The following CAPN3 variants were observed in gnomAD, a reference collection of about 807,000 sequenced individuals.
CAPN3 encodes the protein calpain-3.
A neutral mutation model predicts 114.0 loss-of-function variants in CAPN3; 88 were observed. The observed-to-expected ratio is 0.77, with a 90% confidence interval of 0.65 to 0.92. The LOEUF is 0.92. Ranked by LOEUF, CAPN3 falls within the 40% of genes least tolerant of loss-of-function variation. CAPN3 has a pLI of 0.00. For missense variants in CAPN3, 1,028 were observed against 1,069.0 expected (o/e 0.96, Z 0.53); for synonymous variants, 386 against 382.9 (o/e 1.01, Z -0.09).
chr15:42,384,620 C>T, intron 2 of CAPN3, 68 bp downstream of exon 2: 1 of 1,170,064 alleles, frequency 8.5e-7, no homozygotes, highest in South Asian at 1.2e-5. Flanking sequence ...TGATCCCCTT[C>T]CAGGAGGTAA....
chr15:42,363,985 G>A (rs2052716641), intron 1 of CAPN3, among the ~76,000 whole-genome samples: 1 of 152,126 alleles, frequency 6.6e-6, no homozygotes, highest in South Asian at 2.1e-4. Flanking sequence ...GTGGGATTTT[G>A]GACTCCCACC....
intron 1 of CAPN3, among the ~76,000 whole-genome samples, chr15:42,368,612 T>C (rs1008070002): frequency 2.0e-5 from 3 of 152,234 alleles, no homozygotes; most frequent in Non-Finnish European, 4.4e-5. Context: ...ACTCTAACTC[T>C]GTAGTTCCCC....
At chr15:42,400,328 G>T (rs2053828535) in intron 10 of CAPN3, among the ~76,000 whole-genome samples, 1 of 152,196 alleles carries the variant, frequency 6.6e-6, no homozygotes, top group East Asian at 1.9e-4. Flanking sequence ...AGTAGCAGCA[G>T]AGATGGAGGG....
chr15:42,373,955 C>T (rs2053021515), intron 1 of CAPN3, among the ~76,000 whole-genome samples: 1 of 152,184 alleles, frequency 6.6e-6, no homozygotes, highest in Non-Finnish European at 1.5e-5. Context: ...GTAAGCCTCT[C>T]TGTAACTATA....
intron 16 of CAPN3, 53 bp downstream of exon 16, chr15:42,408,377 T>A: frequency 8.8e-7 from 1 of 1,138,142 alleles, no homozygotes; most frequent in Middle Eastern, 1.9e-4. Context: ...AGGGGCTTCC[T>A]ATGCGCTTGG....
intron 1 of CAPN3, among the ~76,000 whole-genome samples, chr15:42,360,423 A>C (rs564586939): frequency 1.2e-4 from 18 of 152,102 alleles, no homozygotes; most frequent in African/African-American, 4.3e-4. Flanking sequence ...AGTTTAATTC[A>C]TCCTGTAAAA....
rs748194118 is a variant in CAPN3 at position 42,405,945 on chromosome 15, T to C, written c.1800+2T>C. The C allele has an allele frequency of 1.2e-5, 19 of 1,611,698 alleles. No individual in the cohort carries two copies. The highest frequency in any genetic ancestry group is 9.3e-6 in the Non-Finnish European group (11 of 1,177,814). ...ATGCAGAAAAAGAAAAAAACCAAGGTAGGTGTGTGGGTAGAGAGCATGAAG... is the reference window on the plus strand; with the variant it reads ...ATGCAGAAAAAGAAAAAAACCAAGGCAGGTGTGTGGGTAGAGAGCATGAAG... On this transcript the variant is annotated splice_donor_variant, in intron 15 of 23. Transcript: ENST00000397163. LOFTEE classifies it high-confidence loss of function.
At chr15:42,409,902 C>A in intron 18 of CAPN3, 29 bp from the exon 19 acceptor site, 2 of 1,611,810 alleles carry the variant, frequency 1.2e-6, no homozygotes, top group Non-Finnish European at 8.5e-7. Flanking sequence ...TGTCTCAAAG[C>A]AGCTCCTCAC....
At chr15:42,394,799 T>A (rs962222801) in intron 8 of CAPN3, among the ~76,000 whole-genome samples, 1 of 152,204 alleles carries the variant, frequency 6.6e-6, no homozygotes, top group Non-Finnish European at 1.5e-5. Context: ...TGTCCCTGTA[T>A]AAAGGCACAA....
At chr15:42,405,775 C>T in intron 14 of CAPN3, 151 bp from the exon 15 acceptor site, 1 of 650,438 alleles carries the variant, frequency 1.5e-6, no homozygotes, top group East Asian at 2.6e-5. Context: ...ACCCTCCATG[C>T]CCCTTTTTGG....
Position 42,387,889 on chromosome 15 carries a change from A to G in CAPN3, c.632+3A>G, listed in dbSNP as rs201660362. On this transcript the variant is annotated splice_donor_region_variant and intron_variant, in intron 4 of 23. Coordinates refer to ENST00000397163, the MANE Select transcript of CAPN3 (RefSeq NM_000070.3). Reference sequence around the variant, plus strand: ...CTGCTGGAGAAGGCTTATGCTAAGTAAGCAACACTTTAGAATGTGAGGTGG... The same window carrying G: ...CTGCTGGAGAAGGCTTATGCTAAGTGAGCAACACTTTAGAATGTGAGGTGG... The G allele has an allele frequency of 6.8e-6, 11 of 1,614,174 alleles. No homozygotes were observed. The African/African-American group carries it at 8.0e-5, about 12-fold the overall frequency.
At chr15:42,391,600 T>G (rs1306758364) in intron 6 of CAPN3, among the ~76,000 whole-genome samples, 1 of 152,144 alleles carries the variant, frequency 6.6e-6, no homozygotes, top group East Asian at 1.9e-4. Flanking sequence ...GGAAGCTCCT[T>G]TTAAAGCTGT....
chr15:42,376,686 T>C (rs1384206272), intron 1 of CAPN3, among the ~76,000 whole-genome samples: 1 of 152,150 alleles, frequency 6.6e-6, no homozygotes. Flanking sequence ...GTATTAGATA[T>C]CAAGATCTGG....
intron 1 of CAPN3, among the ~76,000 whole-genome samples, chr15:42,375,844 G>A (rs1419631893): frequency 6.6e-6 from 1 of 152,086 alleles, no homozygotes; most frequent in African/African-American, 2.4e-5. Context: ...CTTTTCCTTA[G>A]TTTTTTGTCT....
chr15:42,383,819 C>T lies in CAPN3; in HGVS notation c.310-664C>T, dbSNP rs1033353871. Among the ~76,000 whole-genome samples, 17 of 151,610 alleles carry T rather than the reference C, an allele frequency of 1.1e-4. 1 individual carries two copies. The highest frequency in any genetic ancestry group is 7.2e-4 in the Admixed American group (11 of 15,256). ...AACTCCTGACCTCAAGTGATCCACC[C>T]GCCTTGGCCTCCCAAAGTGCTGAGA... On this transcript the variant is annotated intron_variant, in intron 1 of 23. Coordinates refer to ENST00000397163, the MANE Select transcript of CAPN3 (RefSeq NM_000070.3).
intron 19 of CAPN3, 40 bp downstream of exon 19, chr15:42,410,035 GC>G (rs911977340): frequency 5.1e-6 from 8 of 1,583,010 alleles, no homozygotes; most frequent in Non-Finnish European, 6.9e-6. Context: ...TCTGTCATCA[GC>G]CCACGGGGGC....
At chr15:42,382,546 C>T (rs113455092) in intron 1 of CAPN3, among the ~76,000 whole-genome samples, 7,562 of 152,034 alleles carry the variant, frequency 0.05, 585 homozygotes, top group African/African-American at 0.16. Flanking sequence ...TCCTTTTAAT[C>T]TTTGTAGAGA....
At chr15:42,388,869 C>A in intron 4 of CAPN3, 59 bp from the exon 5 acceptor site, 2 of 1,474,058 alleles carry the variant, frequency 1.4e-6, no homozygotes, top group Non-Finnish European at 1.9e-6. Context: ...GGCAGTGGTA[C>A]CTGGGTTTTG....
intron 4 of CAPN3, 144 bp from the exon 5 acceptor site, chr15:42,388,784 C>A: frequency 2.5e-6 from 2 of 789,034 alleles, no homozygotes; most frequent in Non-Finnish European, 4.5e-6. Flanking sequence ...ATCATTGTTT[C>A]CATCCCATGA....
Sources: allele counts gnomAD v4.1 joint callset (sites outside exome capture counted in the v4.1 genomes callset), GRCh38; gene constraint gnomAD v4.1.1; transcripts MANE v1.5; gene names NCBI Gene and HGNC (gene_info 2026-07-23, HGNC 2026-07-21).